The following ITGAE variants were observed in gnomAD, a reference collection of about 807,000 sequenced individuals.
ITGAE encodes integrin subunit alpha E.
Under a neutral mutation model 136.5 loss-of-function variants are expected in ITGAE, and 99 were observed. That is an observed-to-expected ratio of 0.73 (90% CI 0.62 to 0.86). The LOEUF is 0.86. Ranked by LOEUF, ITGAE falls within the 40% of genes least tolerant of loss-of-function variation. The pLI is 0.00. For missense variants in ITGAE, 1,447 were observed against 1,515.3 expected (o/e 0.95, Z 0.75); for synonymous variants, 613 against 591.8 (o/e 1.04, Z -0.52).
At chr17:3,760,965 G>A (rs746846474) in intron 6 of ITGAE, 48 bp downstream of exon 6, 2 of 1,564,864 alleles carry the variant, frequency 1.3e-6, no homozygotes, top group South Asian at 2.3e-5. Context: ...ACCAGCCTAG[G>A]AATTGGCTCT....
At chr17:3,738,263 C>T (rs184631984) in intron 20 of ITGAE, among the ~76,000 whole-genome samples, 4 of 151,816 alleles carry the variant, frequency 2.6e-5, no homozygotes, top group Non-Finnish European at 4.4e-5. Context: ...CTCCGCCTCC[C>T]GAGTTTGAGC....
At chr17:3,779,739 G>A (rs1251533076) in intron 1 of ITGAE, among the ~76,000 whole-genome samples, 1 of 152,172 alleles carries the variant, frequency 6.6e-6, no homozygotes, top group Non-Finnish European at 1.5e-5. Context: ...AAATTTAAGT[G>A]TAGTGATGTG....
At chr17:3,747,471 G>A (rs916547546) in intron 17 of ITGAE, among the ~76,000 whole-genome samples, 12 of 152,034 alleles carry the variant, frequency 7.9e-5, no homozygotes, top group East Asian at 3.9e-4. Context: ...GCACCTGCCC[G>A]GCTAATTTTT....
At chr17:3,793,199 C>A (rs1332404299) in intron 1 of ITGAE, among the ~76,000 whole-genome samples, 1 of 152,014 alleles carries the variant, frequency 6.6e-6, no homozygotes. Context: ...AAAACAGGTG[C>A]CCATCACCAT....
intron 21 of ITGAE, among the ~76,000 whole-genome samples, 196 bp downstream of exon 21, chr17:3,734,621 C>T (rs220465): frequency 0.65 from 98,986 of 152,050 alleles, 34,397 homozygotes; most frequent in African/African-American, 0.91. Context: ...GGGAGGGTGG[C>T]ACTGCAGCAG....
At chr17:3,761,217 C>A (rs994153353) in intron 5 of ITGAE, 40 bp from the exon 6 acceptor site, 2 of 1,600,146 alleles carry the variant, frequency 1.2e-6, no homozygotes, top group Admixed American at 3.4e-5. Flanking sequence ...GTCAGAAAGG[C>A]TCCATCCTCG....
chr17:3,723,818 C>T, intron 26 of ITGAE, 74 bp from the exon 27 acceptor site: 2 of 1,571,532 alleles, frequency 1.3e-6, no homozygotes, highest in Non-Finnish European at 1.7e-6. Context: ...CCGGCCCCGG[C>T]CCTGGCGAGG....
Position 3,799,005 on chromosome 17 carries a change from G to C in ITGAE, c.34+2106C>G, listed in dbSNP as rs143533787. ...ATCACCAGAGTGGCTGGCCTGGAGA[G>C]AGTGGAAGGTCAGGGCCAGGCCAGG... On this transcript the variant is annotated intron_variant, in intron 1 of 30. Transcript: ENST00000263087. The surrounding 1 kb of genome is among the most constrained non-coding windows in gnomAD (Gnocchi z 4.1). Among the ~76,000 whole-genome samples the C allele has an allele frequency of 6.7e-3, 1,025 of 152,316 alleles. 5 individuals are homozygous for C. The highest frequency in any genetic ancestry group is 0.012 in the Non-Finnish European group (796 of 68,030).
chr17:3,768,179 C>T (rs1321770278), intron 2 of ITGAE, among the ~76,000 whole-genome samples: 1 of 151,762 alleles, frequency 6.6e-6, no homozygotes, highest in Non-Finnish European at 1.5e-5. Context: ...AGTTGAAGTA[C>T]AGTGGCATGA....
intron 18 of ITGAE, among the ~76,000 whole-genome samples, chr17:3,744,653 T>C (rs2051671035): frequency 6.6e-6 from 1 of 152,056 alleles, no homozygotes; most frequent in Non-Finnish European, 1.5e-5. Context: ...TTTACCACAT[T>C]GGTCAGGCCG....
Position 3,779,367 on chromosome 17 carries a change from G to T in ITGAE, c.35-1707C>A, listed in dbSNP as rs150524852. Among the ~76,000 whole-genome samples the T allele has an allele frequency of 5.5e-3, 825 of 150,666 alleles. 6 individuals carry two copies. The highest frequency in any genetic ancestry group is 0.019 in the African/African-American group (795 of 40,964). On this transcript the variant is annotated intron_variant, in intron 1 of 30. Coordinates refer to ENST00000263087, the MANE Select transcript of ITGAE (RefSeq NM_002208.5). ...TTTTGAGATGGGGTCTTGCTCTGTC[G>T]CCCAGGCTGGAGTGCAGTGGTGCAA...
In ITGAE at chr17:3,798,527, C is replaced by A. The variant is rs2053176523; in HGVS notation, c.34+2584G>T. The stretch of plus-strand genomic sequence containing the variant: ...CCCAGCCTGTACTTGCCAAGGACCT[C>A]CCCGTCCTTCAGAGCCCACCTCAGA... On this transcript the variant is annotated intron_variant, in intron 1 of 30. Transcript: ENST00000263087. The surrounding 1 kb of genome is among the most constrained non-coding windows in gnomAD (Gnocchi z 4.3). 6.6e-6 allele frequency among the ~76,000 whole-genome samples: 1 copy of A among 152,150 alleles called. No homozygotes were observed. The highest frequency in any genetic ancestry group is 6.5e-5 in the Admixed American group (1 of 15,284).
At chr17:3,774,373 A>G (rs1219953366) in intron 2 of ITGAE, among the ~76,000 whole-genome samples, 1 of 152,176 alleles carries the variant, frequency 6.6e-6, no homozygotes, top group African/African-American at 2.4e-5. Context: ...TGGGGGAGAA[A>G]TCACTGCTTT....
chr17:3,744,366 C>G (rs970145641), intron 18 of ITGAE, among the ~76,000 whole-genome samples: 2 of 151,960 alleles, frequency 1.3e-5, no homozygotes, highest in African/African-American at 4.8e-5. Context: ...TGGTTCTTAT[C>G]CCAGTCACAA....
chr17:3,715,984 G>A (rs903065046), intron 30 of ITGAE, among the ~76,000 whole-genome samples: 3 of 151,940 alleles, frequency 2.0e-5, no homozygotes, highest in Non-Finnish European at 4.4e-5. Context: ...GTGAAACCCC[G>A]TCTCTACTAA....
rs971547948 is a variant in ITGAE, at chr17:3,798,311, C to T, written c.34+2800G>A. Among the ~76,000 whole-genome samples, 6 of 152,256 alleles carry T rather than the reference C, an allele frequency of 3.9e-5. No individual in the cohort carries two copies. Among genetic ancestry groups the T allele is most frequent in the Middle Eastern group, 3.4e-3 (1 of 294 alleles). On this transcript the variant is annotated intron_variant, in intron 1 of 30. Transcript: ENST00000263087. The surrounding 1 kb of genome is among the most constrained non-coding windows in gnomAD (Gnocchi z 4.3). ...ACAGGGGCTGGGATAGGGGTGGCCTCGCCTCTGCCCGCACCTCCAGGGCCC... is the reference window on the plus strand; with the variant it reads ...ACAGGGGCTGGGATAGGGGTGGCCTTGCCTCTGCCCGCACCTCCAGGGCCC...
intron 24 of ITGAE, among the ~76,000 whole-genome samples, chr17:3,729,044 A>T (rs1400726129): frequency 3.7e-5 from 3 of 80,222 alleles, no homozygotes; most frequent in Non-Finnish European, 7.1e-5. Context: ...TCAGTTTAAA[A>T]AAAAAAAAAA....
intron 20 of ITGAE, among the ~76,000 whole-genome samples, chr17:3,735,825 T>C (rs1034200231): frequency 1.3e-5 from 2 of 152,074 alleles, no homozygotes; most frequent in African/African-American, 4.8e-5. Flanking sequence ...CCCTGTGAAA[T>C]AGTACAGCTA....
intron 6 of ITGAE, among the ~76,000 whole-genome samples, chr17:3,760,549 C>T (rs1170693361): frequency 1.3e-5 from 2 of 148,634 alleles, no homozygotes; most frequent in Non-Finnish European, 3.0e-5. Context: ...AAGCAATCCT[C>T]CTGCCTTAGC....
Sources: gnomAD v4.1 joint callset for allele counts (sites outside exome capture counted in the v4.1 genomes callset) on GRCh38, gnomAD v4.1.1 for gene constraint, Gnocchi (gnomAD v3.1) non-coding constraint, MANE v1.5 for transcripts, NCBI Gene and HGNC (gene_info 2026-07-23, HGNC 2026-07-21) for gene names.